GYG1: variants seen among roughly 807,000 people sequenced by gnomAD.
The protein encoded by GYG1 is glycogenin-1.
GYG1 carries 44 observed loss-of-function variants against 41.9 expected under a neutral mutation model. That is an observed-to-expected ratio of 1.05 (90% CI 0.83 to 1.35). GYG1 has a LOEUF of 1.35. Ranked by LOEUF, GYG1 falls within the 40% of genes most tolerant of loss-of-function variation. GYG1 has a pLI of 0.00. For synonymous variants in GYG1, 141 were observed against 158.1 expected (o/e 0.89, Z 0.81); for missense variants, 429 against 418.9 (o/e 1.02, Z -0.21).
At chr3:149,000,386 C>G (rs1713026897) in intron 4 of GYG1, among the ~76,000 whole-genome samples, 1 of 152,158 alleles carries the variant, frequency 6.6e-6, no homozygotes, top group Non-Finnish European at 1.5e-5. Context: ...TGAAATAGTT[C>G]TACACTAGTA....
Position 149,029,031 on chromosome 3 carries a change from A to AAAT in GYG1, c.*2101_*2103dup, listed in dbSNP as rs1714811430. On this transcript the variant is annotated 3_prime_UTR_variant, in exon 8 of 8. Coordinates refer to ENST00000345003, the MANE Select transcript of GYG1 (RefSeq NM_004130.4). Reference sequence around the variant, plus strand: ...TGCACCCAGCAAATTTTTAAATTTCAAATAAGTAGTGAAGGCTATTATTAA... The same window carrying AAAT: ...TGCACCCAGCAAATTTTTAAATTTCAAATAATAAGTAGTGAAGGCTATTATTAA... Among the ~76,000 whole-genome samples the AAAT allele has an allele frequency of 6.6e-6, 1 of 152,186 alleles. No homozygotes were observed. Among genetic ancestry groups the AAAT allele is most frequent in the African/African-American group, 2.4e-5 (1 of 41,430 alleles).
chr3:149,003,242 A>G (rs1438418951), intron 4 of GYG1, among the ~76,000 whole-genome samples: 10 of 150,900 alleles, frequency 6.6e-5, no homozygotes, highest in Admixed American at 6.0e-4. Flanking sequence ...CAGCCTCCTG[A>G]GTAGCTGGGA....
intron 2 of GYG1, among the ~76,000 whole-genome samples, chr3:148,995,405 G>A (rs937551062): frequency 2.6e-5 from 4 of 151,952 alleles, no homozygotes; most frequent in Non-Finnish European, 5.9e-5. Context: ...ACAGGCCAAG[G>A]GTCTCTAAAA....
intron 4 of GYG1, among the ~76,000 whole-genome samples, chr3:148,998,098 C>G (rs2107889363): frequency 6.6e-6 from 1 of 152,254 alleles, no homozygotes; most frequent in South Asian, 2.1e-4. Flanking sequence ...GGTGAAGATA[C>G]TGGAAGTTAA....
intron 4 of GYG1, among the ~76,000 whole-genome samples, chr3:148,999,721 CTT>C (rs1169017511): frequency 6.6e-6 from 1 of 151,972 alleles, no homozygotes; most frequent in African/African-American, 2.4e-5. Context: ...AGTAAATAGT[CTT>C]AAATATAAAA....
At chr3:149,015,662 G>A (rs970801139) in intron 5 of GYG1, among the ~76,000 whole-genome samples, 6 of 152,134 alleles carry the variant, frequency 3.9e-5, no homozygotes, top group Admixed American at 6.5e-5. Flanking sequence ...TGGAGTGGTG[G>A]GGGAGAAAGC....
intron 1 of GYG1, among the ~76,000 whole-genome samples, chr3:148,993,303 T>G (rs1712591913): frequency 1.1e-5 from 1 of 91,370 alleles, no homozygotes; most frequent in South Asian, 4.4e-4. Context: ...GGTGCGTGTC[T>G]GTTGGTTTGG....
chr3:148,994,600 A>G (rs1284927179), intron 2 of GYG1, among the ~76,000 whole-genome samples: 1 of 152,114 alleles, frequency 6.6e-6, no homozygotes, highest in Non-Finnish European at 1.5e-5. Context: ...CCCTGCTTAC[A>G]TACACCTTTA....
rs1221930575 is a variant in GYG1, at chr3:149,010,372, G to T, written c.608+970G>T. On this transcript the variant is annotated intron_variant, in intron 5 of 7. Coordinates refer to ENST00000345003, the MANE Select transcript of GYG1 (RefSeq NM_004130.4). The stretch of plus-strand genomic sequence containing the variant: ...AGACGAAGTCTCACTTTGTTGCCCA[G>T]GCTGGAGTGCAGTGGCATGATCTTG... Among the ~76,000 whole-genome samples the T allele has an allele frequency of 5.6e-5, 8 of 143,296 alleles. No homozygotes were observed. The Admixed American group carries it at 5.8e-4, about 10-fold the overall frequency. The allele number at this position is 143,296 out of a possible 152,430, so 94.0% of individuals were successfully genotyped here. A position where few individuals can be genotyped will look rare whatever the true frequency, so the allele number is the denominator to read the frequency against.
At position 149,031,599 on chromosome 3, in the gene GYG1, C is replaced by T. The variant is rs761635389; in HGVS notation, c.*4666C>T. On this transcript the variant is annotated 3_prime_UTR_variant, in exon 8 of 8. Coordinates refer to ENST00000345003, the MANE Select transcript of GYG1 (RefSeq NM_004130.4). ...AAAATGGAAAAAATAGTACTCTTAA[C>T]ATAATCCCTAATTTTTTCATGAACA... 7.2e-5 allele frequency: 11 copies of T among 152,340 alleles called. No individual in the cohort carries two copies. Among genetic ancestry groups the T allele is most frequent in the Non-Finnish European group, 1.3e-4 (9 of 68,006 alleles). The allele number at this position is 152,340 out of a possible 1,614,324, so 9.4% of individuals were successfully genotyped here. A position where few individuals can be genotyped will look rare whatever the true frequency, so the allele number is the denominator to read the frequency against.
intron 1 of GYG1, among the ~76,000 whole-genome samples, 180 bp downstream of exon 1, chr3:148,991,827 C>T (rs917886820): frequency 2.0e-5 from 3 of 152,240 alleles, no homozygotes; most frequent in African/African-American, 7.2e-5. Context: ...CCCCGCCGCC[C>T]CCCAGAGTGC....
chr3:149,007,867 C>G (rs16861277), intron 4 of GYG1: 3,070 of 152,236 alleles, frequency 0.02, 108 homozygotes, highest in African/African-American at 0.07. Context: ...TTGGGAGACT[C>G]TGGTTCTGAG....
At chr3:149,016,026 G>C (rs1174132328) in intron 5 of GYG1, among the ~76,000 whole-genome samples, 2 of 151,782 alleles carry the variant, frequency 1.3e-5, no homozygotes, top group East Asian at 3.9e-4. Context: ...ACTTTGAGAG[G>C]CCGCGGCAGG....
At position 148,991,576 on chromosome 3, in the gene GYG1, C is replaced by G. The variant is rs566104807; in HGVS notation, c.-65C>G. 7.8e-6 allele frequency: 12 copies of G among 1,537,974 alleles called. No individual in the cohort carries two copies. In the South Asian group the frequency reaches 8.3e-5, roughly 11 times the overall value. ...CCTCCTCGCTGGCCGCGCTCCCTCC[C>G]GGTGCCGGCTTCTCTGAGTCACCAA... is the stretch of plus-strand genomic sequence containing the variant. On this transcript the variant is annotated 5_prime_UTR_variant, in exon 1 of 8. Coordinates refer to ENST00000345003, the MANE Select transcript of GYG1 (RefSeq NM_004130.4).
In GYG1 at chr3:148,996,307, T is replaced by C. The variant is rs150769345; in HGVS notation, c.149T>C (p.Val50Ala). Residue 50 changes from valine (V) to alanine (A), a missense_variant, in exon 3 of 8, where the codon GTT (valine) becomes GCT (alanine). Val to Ala is a moderately conservative substitution (Grantham distance 64). Transcript: ENST00000345003. ...TPQVSDSMRK[V>A]LETVFDEVIM... ...TCTGGATTTTATTTTGACAGAAAAGTTTTAGAGACAGTCTTTGATGAAGTC... is the reference window on the plus strand; with the variant it reads ...TCTGGATTTTATTTTGACAGAAAAGCTTTAGAGACAGTCTTTGATGAAGTC... 22 of 1,609,910 alleles carry C rather than the reference T, an allele frequency of 1.4e-5. No homozygotes were observed. In the African/African-American group the frequency reaches 2.7e-4, roughly 20 times the overall value.
At chr3:149,007,834 A>C (rs1215722984) in intron 4 of GYG1, among the ~76,000 whole-genome samples, 1 of 152,072 alleles carries the variant, frequency 6.6e-6, no homozygotes. Flanking sequence ...ATGCACACAC[A>C]TCGTGAACTC....
intron 5 of GYG1, among the ~76,000 whole-genome samples, chr3:149,014,966 G>T (rs780396687): frequency 3.6e-4 from 55 of 151,682 alleles, no homozygotes; most frequent in Non-Finnish European, 6.9e-4. Flanking sequence ...GTGCTACACA[G>T]AATTTTTTTT....
At chr3:149,023,970 T>C (rs1189423722) in intron 5 of GYG1, 83 bp from the exon 6 acceptor site, 14 of 931,862 alleles carry the variant, frequency 1.5e-5, no homozygotes, top group Non-Finnish European at 2.5e-5. Flanking sequence ...AAGAAAGCTA[T>C]AGAAAAGTGC....
At chr3:149,001,859 C>T (rs1185152846) in intron 4 of GYG1, among the ~76,000 whole-genome samples, 1 of 152,018 alleles carries the variant, frequency 6.6e-6, no homozygotes, top group African/African-American at 2.4e-5. Context: ...GAGAATAATA[C>T]GGGATGGAGG....
Sources: allele counts gnomAD v4.1 joint callset (sites outside exome capture counted in the v4.1 genomes callset), GRCh38; gene constraint gnomAD v4.1.1; transcripts MANE v1.5; gene names NCBI Gene and HGNC (gene_info 2026-07-23, HGNC 2026-07-21).